Variants in C8A observed in about 807,000 individuals in gnomAD.
C8A encodes the protein complement component C8 alpha chain.
C8A carries 67 observed loss-of-function variants against 65.3 expected under a neutral mutation model. The observed-to-expected ratio is 1.03, with a 90% CI of 0.84 to 1.26. The LOEUF is 1.26. Among genes scored for constraint, C8A ranks in the 50% most tolerant of loss-of-function variants. C8A has a pLI of 0.00. For missense variants in C8A, 781 were observed against 723.9 expected (o/e 1.08, Z -0.90); for synonymous variants, 290 against 259.4 (o/e 1.12, Z -1.13).
rs766706769 is a variant in C8A at position 56,917,676 on chromosome 1, C to T, written c.1715C>T (p.Ala572Val). Residue 572 changes from alanine (A) to valine (V), a missense_variant, in exon 11 of 11, where the codon GCC (alanine) becomes GTC (valine). Coordinates refer to ENST00000361249, the MANE Select transcript of C8A (RefSeq NM_000562.3). ...CDNPAPQNGG[A>V]SCPGRKVQTQ... Reference sequence around the variant, plus strand: ...AATCCAGCACCTCAGAATGGAGGGGCCTCGTGTCCAGGGCGGAAAGTACAG... The same window carrying T: ...AATCCAGCACCTCAGAATGGAGGGGTCTCGTGTCCAGGGCGGAAAGTACAG... The T allele has an allele frequency of 5.0e-6, 8 of 1,614,156 alleles. No individual in the cohort carries two copies. In the South Asian group the frequency reaches 5.5e-5, roughly 11 times the overall value.
chr1:56,885,054 TA>T (rs1644278197), intron 6 of C8A, among the ~76,000 whole-genome samples: 6 of 133,824 alleles, frequency 4.5e-5, no homozygotes. Context: ...GGGGTGGGAA[TA>T]GATTGGGAGA....
Position 56,883,581 on chromosome 1 carries a change from T to C in C8A, c.755T>C (p.Ile252Thr), listed in dbSNP as rs1644265023. The change falls in exon 6 of 11, where the codon ATC becomes ACC. Residue 252 changes from isoleucine to threonine, a missense_variant. Ile to Thr is a moderately conservative substitution (Grantham distance 89, BLOSUM62 -1). Coordinates refer to ENST00000361249, the MANE Select transcript of C8A (RefSeq NM_000562.3). Reference sequence around the variant, plus strand: ...AAGTCTGACTCATTTGGAGTGACCATCGGCATAGGCCCAGCCGGCAGCCCT... The same window carrying C: ...AAGTCTGACTCATTTGGAGTGACCACCGGCATAGGCCCAGCCGGCAGCCCT... ...KDKSDSFGVTIGIGPAGSPLL... is the reference protein window; with the variant it reads ...KDKSDSFGVTTGIGPAGSPLL... 6 of 1,613,998 alleles carry C rather than the reference T, an allele frequency of 3.7e-6. No homozygotes were observed. In the South Asian group the frequency reaches 6.6e-5, roughly 18 times the overall value.
chr1:56,914,838 T>C (rs1478965511), intron 10 of C8A, among the ~76,000 whole-genome samples: 1 of 151,246 alleles, frequency 6.6e-6, no homozygotes, highest in Non-Finnish European at 1.5e-5. Context: ...CCACCATGCC[T>C]GGCTAATTTT....
chr1:56,906,101 C>G (rs768286075), intron 7 of C8A, among the ~76,000 whole-genome samples: 2 of 151,980 alleles, frequency 1.3e-5, no homozygotes, highest in African/African-American at 4.8e-5. Context: ...CTCTGGGGCG[C>G]AAAGAGGATC....
At chr1:56,875,161 G>T (rs1208306536) in intron 3 of C8A, 68 bp downstream of exon 3, 5 of 1,566,598 alleles carry the variant, frequency 3.2e-6, no homozygotes, top group Non-Finnish European at 4.4e-6. Flanking sequence ...CTTCCCCAGG[G>T]AGCTTATTAA....
chr1:56,874,224 T>C (rs1193320139), intron 2 of C8A, among the ~76,000 whole-genome samples: 2 of 152,214 alleles, frequency 1.3e-5, no homozygotes, highest in African/African-American at 4.8e-5. Flanking sequence ...GGTTGAGTCA[T>C]GTGCCAATCC....
intron 5 of C8A, among the ~76,000 whole-genome samples, chr1:56,883,231 G>A (rs1273100388): frequency 6.6e-6 from 1 of 152,018 alleles, no homozygotes; most frequent in Non-Finnish European, 1.5e-5. Flanking sequence ...ATCTGTGTGT[G>A]TGTGTGTGTG....
chr1:56,861,264 A>G (rs6701085), intron 1 of C8A, among the ~76,000 whole-genome samples: 5,716 of 152,292 alleles, frequency 0.038, 370 homozygotes, highest in African/African-American at 0.13. Flanking sequence ...CAAATATTTT[A>G]TATACTTTAA....
chr1:56,893,431 A>T (rs1472887384), intron 7 of C8A, among the ~76,000 whole-genome samples: 2 of 152,158 alleles, frequency 1.3e-5, no homozygotes, highest in African/African-American at 2.4e-5. Context: ...TGGTTCTATT[A>T]TTTAGTAGCT....
intron 7 of C8A, among the ~76,000 whole-genome samples, chr1:56,906,054 A>G (rs1282861038): frequency 3.3e-5 from 5 of 152,174 alleles, no homozygotes; most frequent in Non-Finnish European, 7.3e-5. Context: ...TAAACTTTCC[A>G]TGGTGATCCA....
At chr1:56,878,275 C>T (rs911203438) in intron 4 of C8A, among the ~76,000 whole-genome samples, 1 of 152,134 alleles carries the variant, frequency 6.6e-6, no homozygotes, top group African/African-American at 2.4e-5. Flanking sequence ...CACTCTGAGG[C>T]TTTGGGAGTT....
chr1:56,904,307 A>T (rs932671317), intron 7 of C8A, among the ~76,000 whole-genome samples: 3 of 152,190 alleles, frequency 2.0e-5, no homozygotes, highest in Non-Finnish European at 4.4e-5. Context: ...ACAGCCTCTG[A>T]TGAAAGACTC....
At chr1:56,868,760 A>G (rs1644115870) in intron 2 of C8A, among the ~76,000 whole-genome samples, 1 of 152,248 alleles carries the variant, frequency 6.6e-6, no homozygotes, top group East Asian at 1.9e-4. Flanking sequence ...AACCTTGTCT[A>G]TTAGCACATT....
intron 2 of C8A, among the ~76,000 whole-genome samples, chr1:56,868,201 A>C (rs1644110092): frequency 6.6e-6 from 1 of 151,900 alleles, no homozygotes; most frequent in South Asian, 2.1e-4. Context: ...GTTCAAAATG[A>C]TCCCTAGTAC....
chr1:56,903,212 T>C (rs1385418915), intron 7 of C8A, among the ~76,000 whole-genome samples: 1 of 152,116 alleles, frequency 6.6e-6, no homozygotes, highest in East Asian at 1.9e-4. Context: ...AATCCCCACG[T>C]CTCATGGGAG....
At chr1:56,907,821 CAAG>C in intron 8 of C8A, 132 bp from the exon 9 acceptor site, 1 of 1,052,354 alleles carries the variant, frequency 9.5e-7, no homozygotes, top group Non-Finnish European at 1.4e-6. Context: ...GCTAGCTAAC[CAAG>C]AAGAGAAGAA....
chr1:56,899,595 G>A (rs932210882), intron 7 of C8A, among the ~76,000 whole-genome samples: 6 of 152,206 alleles, frequency 3.9e-5, no homozygotes, highest in African/African-American at 9.6e-5. Context: ...CTCCCCACTC[G>A]CTCCTGGGCT....
intron 1 of C8A, among the ~76,000 whole-genome samples, chr1:56,866,740 T>C (rs987458160): frequency 7.2e-5 from 11 of 152,188 alleles, no homozygotes; most frequent in African/African-American, 2.7e-4. Flanking sequence ...AAGAGGCTAA[T>C]GTGGAAGCCA....
At chr1:56,859,717 T>C (rs1206652784) in intron 1 of C8A, among the ~76,000 whole-genome samples, 1 of 152,086 alleles carries the variant, frequency 6.6e-6, no homozygotes, top group Non-Finnish European at 1.5e-5. Context: ...TCAACACTCA[T>C]AGGATTTACA....
Sources: allele counts gnomAD v4.1 joint callset (sites outside exome capture counted in the v4.1 genomes callset), GRCh38; gene constraint gnomAD v4.1.1; transcripts MANE v1.5; gene names NCBI Gene and HGNC (gene_info 2026-07-23, HGNC 2026-07-21).